Variants in TMC2 observed in about 807,000 individuals in gnomAD.
TMC2 encodes transmembrane channel like 2.
In TMC2, 102 loss-of-function variants were observed where a neutral mutation model predicts 105.9. The ratio of observed to expected loss-of-function variants is 0.96; its 90% confidence interval spans 0.82 to 1.14. The LOEUF is 1.14. TMC2 is among the 50% of genes most tolerant of loss of function. TMC2 has a pLI of 0.00. For synonymous variants in TMC2, 402 were observed against 422.8 expected, an observed-to-expected ratio of 0.95 and a Z score of 0.60; for missense variants, 1,093 against 1,134.3, an observed-to-expected ratio of 0.96 and a Z score of 0.52.
chr20:2,617,090 T>C lies in TMC2; in HGVS notation c.1959T>C (p.Ala653=). The C allele has an allele frequency of 1.9e-6, 3 of 1,614,166 alleles. No individual in the cohort carries two copies. Among genetic ancestry groups the C allele is most frequent in the South Asian group, 1.1e-5 (1 of 91,080 alleles). ...ATTCCAGGATGGGCTCCTTCTATGC[T>C]CCAGGCCTGGTGGGCATTAATGTGC... The part of the protein sequence containing the change: ...QGMIWMGSFY[A]PGLVGINVLR... The change falls in exon 16 of 20, where the codon GCT becomes GCC. Residue 653 remains alanine (A), a synonymous_variant. Transcript: ENST00000358864.
intron 3 of TMC2, 138 bp from the exon 4 acceptor site, chr20:2,561,720 C>A: frequency 8.8e-7 from 1 of 1,134,704 alleles, no homozygotes; most frequent in Non-Finnish European, 1.2e-6. Context: ...CCTCCGCTGC[C>A]AGGCAATGGG....
chr20:2,545,883 GAAAGAAATGAAAGAAAGAAAGAAAA>G (rs1370577515), intron 2 of TMC2, among the ~76,000 whole-genome samples: 9 of 130,122 alleles, frequency 6.9e-5, no homozygotes, highest in Non-Finnish European at 1.5e-4. Context: ...GAAAGAAAAA[GAAAGAAATGAAAGAAAGAAAGAAAA>G]AAAGAAAGAA....
At chr20:2,566,031 C>T (rs1227740208) in intron 4 of TMC2, among the ~76,000 whole-genome samples, 1 of 152,130 alleles carries the variant, frequency 6.6e-6, no homozygotes, top group Non-Finnish European at 1.5e-5. Context: ...AAGTGAGACT[C>T]TGTCTCCAAA....
Position 2,594,883 on chromosome 20 carries a change from G to T in TMC2, c.992G>T (p.Gly331Val). The change falls in exon 9 of 20, where the codon GGG becomes GTG. Residue 331 changes from glycine (G) to valine (V), a missense_variant. Gly to Val is a moderately radical substitution (Grantham distance 109). Coordinates refer to ENST00000358864, the MANE Select transcript of TMC2 (RefSeq NM_080751.3). ...TACTACAACAACCAGAGGACCATCG[G>T]GTGGCTGAGGTACCGGCTGCCTATG... ...YGYYNNQRTI[G>V]WLRYRLPMAY... The T allele has an allele frequency of 6.2e-7, 1 of 1,614,108 alleles. No homozygotes were observed. The highest frequency in any genetic ancestry group is 8.5e-7 in the Non-Finnish European group (1 of 1,180,020).
Position 2,617,067 on chromosome 20 carries a change from T to G in TMC2, c.1941-5T>G. On this transcript the variant is annotated splice_region_variant and splice_polypyrimidine_tract_variant and intron_variant, in intron 15 of 19. Coordinates refer to ENST00000358864, the MANE Select transcript of TMC2 (RefSeq NM_080751.3). ...CAACCAGGTGTTTGGTTTCTGCCAT[T>G]CCAGGATGGGCTCCTTCTATGCTCC... The G allele has an allele frequency of 6.2e-7, 1 of 1,614,136 alleles. No individual in the cohort carries two copies. Among genetic ancestry groups the G allele is most frequent in the Non-Finnish European group, 8.5e-7 (1 of 1,179,990 alleles).
chr20:2,616,101 TTCTCTC>T lies in TMC2; in HGVS notation c.1873-27_1873-22del, dbSNP rs374364073. The T allele has an allele frequency of 5.4e-6, 8 of 1,475,070 alleles. No homozygotes were observed. Among genetic ancestry groups the T allele is most frequent in the Non-Finnish European group, 5.6e-6 (6 of 1,078,024 alleles). 91.4% of individuals were successfully genotyped at this position (1,475,070 alleles called of 1,614,324 possible). On this transcript the variant is annotated intron_variant, in intron 14 of 19. Coordinates refer to ENST00000358864, the MANE Select transcript of TMC2 (RefSeq NM_080751.3). This position sits in a 1 kb window ranked among gnomAD's most constrained non-coding sequence, Gnocchi z 4.8. ...GAATTCACCAAACGTGCTTTTTTTTTTCTCTCTCTCTCTCGCTCCCTCCCTCCCTCT... is the reference window on the plus strand; with the variant it reads ...GAATTCACCAAACGTGCTTTTTTTTTTCTCTCTCGCTCCCTCCCTCCCTCT...
intron 2 of TMC2, among the ~76,000 whole-genome samples, chr20:2,545,726 GGAA>G (rs1383322663): frequency 2.0e-5 from 3 of 148,124 alleles, no homozygotes; most frequent in East Asian, 2.0e-4. Flanking sequence ...AAGAAGATGA[GGAA>G]GAAGAAGATG....
chr20:2,634,746 G>A (rs2086629398), intron 17 of TMC2, among the ~76,000 whole-genome samples: 1 of 152,158 alleles, frequency 6.6e-6, no homozygotes, highest in South Asian at 2.1e-4. Flanking sequence ...GGGCTAATTA[G>A]GTAAATGGCA....
At chr20:2,540,844 T>A (rs2085885032) in intron 2 of TMC2, among the ~76,000 whole-genome samples, 1 of 152,050 alleles carries the variant, frequency 6.6e-6, no homozygotes, top group Non-Finnish European at 1.5e-5. Context: ...GTGTGACCCT[T>A]TGATGTAGAC....
intron 16 of TMC2, among the ~76,000 whole-genome samples, chr20:2,619,083 C>T (rs2086505969): frequency 6.6e-6 from 1 of 152,176 alleles, no homozygotes; most frequent in Non-Finnish European, 1.5e-5. Context: ...GAAACCCTGT[C>T]CCGTAAAAGG....
intron 14 of TMC2, among the ~76,000 whole-genome samples, chr20:2,615,624 C>G (rs1210169384): frequency 6.6e-6 from 1 of 152,222 alleles, no homozygotes; most frequent in Non-Finnish European, 1.5e-5. Flanking sequence ...GCTTTCCTTT[C>G]CGTGAACTGC....
At chr20:2,556,346 T>TGGGATTACA (rs1292650597) in intron 2 of TMC2, among the ~76,000 whole-genome samples, 3 of 152,236 alleles carry the variant, frequency 2.0e-5, no homozygotes, top group African/African-American at 7.2e-5. Flanking sequence ...CCCAAAGTGC[T>TGGGATTACA]GGGATTACAG....
intron 4 of TMC2, among the ~76,000 whole-genome samples, chr20:2,571,647 C>T (rs996213913): frequency 1.3e-5 from 2 of 152,148 alleles, no homozygotes; most frequent in Admixed American, 6.5e-5. Flanking sequence ...TTTAAGGGCT[C>T]ATATTATTTT....
rs6037181 is a variant in TMC2 at position 2,637,448 on chromosome 20, G to A, written c.2386-26G>A. On this transcript the variant is annotated intron_variant, in intron 18 of 19. Coordinates refer to ENST00000358864, the MANE Select transcript of TMC2 (RefSeq NM_080751.3). ...CTCAAAGACCCATTTCCTGGGCCAG[G>A]ACCAACAGTTCATTATTTCCTGCAG... 1,142,436 of 1,518,044 alleles carry A rather than the reference G, an allele frequency of 0.75. 431,457 individuals are homozygous for A. The highest frequency in any genetic ancestry group is 0.85 in the Admixed American group (50,816 of 59,538). 94.0% of individuals were successfully genotyped at this position (1,518,044 alleles called of 1,614,324 possible). A position where few individuals can be genotyped will look rare whatever the true frequency, so the allele number is the denominator to read the frequency against.
chr20:2,613,737 T>C (rs2086460778), intron 14 of TMC2: 1 of 282,324 alleles, frequency 3.5e-6, no homozygotes, highest in Non-Finnish European at 6.9e-6. Context: ...GGTCCTGTCT[T>C]CTGGATGATG....
intron 11 of TMC2, 69 bp from the exon 12 acceptor site, chr20:2,610,350 G>C: frequency 7.1e-7 from 1 of 1,408,834 alleles, no homozygotes; most frequent in Non-Finnish European, 9.7e-7. Flanking sequence ...GATGGCCATG[G>C]GAGTGCAGAG....
chr20:2,618,957 A>C (rs1600135152), intron 16 of TMC2, among the ~76,000 whole-genome samples: 1 of 152,148 alleles, frequency 6.6e-6, no homozygotes, highest in Non-Finnish European at 1.5e-5. Context: ...AGGGTGAGGC[A>C]GGTGAGTGAC....
chr20:2,589,270 C>G (rs6083764), intron 7 of TMC2, among the ~76,000 whole-genome samples: 52,185 of 116,354 alleles, frequency 0.45, 11,892 homozygotes, highest in Admixed American at 0.55. Context: ...CCTATTTGCC[C>G]TGTGTGTGTG....
chr20:2,588,875 T>A (rs2086248902), intron 7 of TMC2, among the ~76,000 whole-genome samples: 1 of 152,186 alleles, frequency 6.6e-6, no homozygotes, highest in African/African-American at 2.4e-5. Context: ...TGTTCTTAAA[T>A]CTGTCCATTG....
Sources: gnomAD v4.1 joint callset for allele counts (sites outside exome capture counted in the v4.1 genomes callset) on GRCh38, gnomAD v4.1.1 for gene constraint, Gnocchi (gnomAD v3.1) non-coding constraint, MANE v1.5 for transcripts, NCBI Gene and HGNC (gene_info 2026-07-23, HGNC 2026-07-21) for gene names.